ZNF318: variants seen among roughly 807,000 people sequenced by gnomAD.
ZNF318 encodes zinc finger protein 318, also known as endocrine regulator.
In ZNF318, 51 loss-of-function variants were observed where a neutral mutation model predicts 124.2. That is an observed-to-expected ratio of 0.41 (90% confidence interval 0.33 to 0.52). The LOEUF (loss-of-function observed/expected upper bound fraction) is 0.52. Ranked by LOEUF, ZNF318 falls within the 20% of genes least tolerant of loss-of-function variation. The pLI, the probability that ZNF318 is intolerant of heterozygous loss-of-function variation, is 0.23. For synonymous variants in ZNF318, 1,090 were observed against 1,040.7 expected, an observed-to-expected ratio of 1.05 and a Z score of -0.91; for missense variants, 2,815 against 2,811.2, an observed-to-expected ratio of 1.00 and a Z score of -0.03.
In ZNF318 at chr6:43,339,457, G is replaced by A. The variant is rs756233902; in HGVS notation, c.4541C>T (p.Pro1514Leu). Residue 1514 changes from proline to leucine, a missense_variant, in exon 10 of 10, where the codon CCT (proline) becomes CTT (leucine). Physicochemically the swap from Pro to Leu is moderately conservative, Grantham distance 98 (BLOSUM62 -3). Coordinates refer to ENST00000361428, the MANE Select transcript of ZNF318 (RefSeq NM_014345.3). This position sits in a 1 kb window ranked among gnomAD's most constrained non-coding sequence, Gnocchi z 4.2. ...IMASAQPAAIPSDETAPGVSE... is the reference protein window; with the variant it reads ...IMASAQPAAILSDETAPGVSE... ...CACCCCAGGAGCTGTCTCATCAGAAGGAATGGCAGCTGGCTGTGCTGAGGC... is the reference window on the plus strand; with the variant it reads ...CACCCCAGGAGCTGTCTCATCAGAAAGAATGGCAGCTGGCTGTGCTGAGGC... 4 of 1,614,168 alleles carry A rather than the reference G, an allele frequency of 2.5e-6. No individual in the cohort carries two copies. In the South Asian group the frequency reaches 4.4e-5, roughly 18 times the overall value.
In ZNF318 at chr6:43,356,075, G is replaced by A. The variant is rs994054505; in HGVS notation, c.1259C>T (p.Pro420Leu). 5 of 1,614,060 alleles carry A rather than the reference G, an allele frequency of 3.1e-6. No individual in the cohort carries two copies. In the African/African-American group the frequency reaches 6.7e-5, roughly 22 times the overall value. The part of the protein sequence containing the change: ...HPLYSGHPSL[P>L]LSGAIAAFAS... The stretch of plus-strand genomic sequence containing the variant: ...AAAAGCAGCAATAGCACCACTTAGT[G>A]GAAGGGATGGGTGCCCAGAGTAGAG... The change falls in exon 4 of 10, where the codon CCA (proline) becomes CTA (leucine). Residue 420 changes from proline (P) to leucine (L), a missense_variant. Transcript: ENST00000361428.
In ZNF318 at chr6:43,337,125, G is replaced by A. The variant is rs148327025; in HGVS notation, c.*33C>T. On this transcript the variant is annotated 3_prime_UTR_variant, in exon 10 of 10. Transcript: ENST00000361428. ...GGGCATCTGATTTCTAGAAGCCAAT[G>A]ATTCACTCACAAGTAGCTCTAGGTA... is the stretch of plus-strand genomic sequence containing the variant. 2.6e-6 allele frequency: 4 copies of A among 1,511,998 alleles called. No homozygotes were observed. The highest frequency in any genetic ancestry group is 2.8e-5 in the African/African-American group (2 of 71,904). The allele number at this position is 1,511,998 out of a possible 1,614,324, so 93.7% of individuals were successfully genotyped here.
At position 43,339,129 on chromosome 6, in the gene ZNF318, G is replaced by C. The variant is rs1779333868; in HGVS notation, c.4869C>G (p.Ser1623=). The C allele has an allele frequency of 1.2e-6, 2 of 1,614,150 alleles. No individual in the cohort carries two copies. The highest frequency in any genetic ancestry group is 1.7e-6 in the Non-Finnish European group (2 of 1,180,036). Residue 1623 remains serine (S), a synonymous_variant, in exon 10 of 10, where the codon TCC becomes TCG. Transcript: ENST00000361428. This position sits in a 1 kb window ranked among gnomAD's most constrained non-coding sequence, Gnocchi z 4.2. ...SSTSPLNSSA[S]QEELHQDEGL... Reference sequence around the variant, plus strand: ...CCTCATCTTGATGCAACTCCTCTTGGGATGCACTGCTGTTCAAAGGAGAAG... The same window carrying C: ...CCTCATCTTGATGCAACTCCTCTTGCGATGCACTGCTGTTCAAAGGAGAAG...
In ZNF318 at chr6:43,352,585, A is replaced by C. The variant is rs1370407076; in HGVS notation, c.2671-109T>G. ...ACATTATCTGAATGTAAGGATCCAA[A>C]TGCCTGCACACAGGCTCTGACCTTA... On this transcript the variant is annotated intron_variant, in intron 4 of 9. Transcript: ENST00000361428. 4.9e-5 allele frequency: 46 copies of C among 933,194 alleles called. No individual in the cohort carries two copies. In the East Asian group the frequency reaches 1.2e-3, roughly 24 times the overall value. 57.8% of individuals were successfully genotyped at this position (933,194 alleles called of 1,614,324 possible).
Position 43,357,405 on chromosome 6 carries a change from T to G in ZNF318, c.909A>C (p.Arg303Ser). ...TSGTRNYRQR[R>S]RSPSPRFLDP... Reference sequence around the variant, plus strand: ...CGAGAAACCTAGGACTTGGGCTTCTTCTACGCTGTCGATAGTTGCGAGTTC... The same window carrying G: ...CGAGAAACCTAGGACTTGGGCTTCTGCTACGCTGTCGATAGTTGCGAGTTC... The change falls in exon 3 of 10, where the codon AGA becomes AGC. Residue 303 changes from arginine to serine, a missense_variant. Physicochemically the swap from Arg to Ser is moderately radical, Grantham distance 110. Transcript: ENST00000361428. The G allele has an allele frequency of 6.2e-7, 1 of 1,614,190 alleles. No homozygotes were observed. Among genetic ancestry groups the G allele is most frequent in the East Asian group, 2.2e-5 (1 of 44,884 alleles).
At chr6:43,358,034 T>C (rs1779634984) in intron 2 of ZNF318, among the ~76,000 whole-genome samples, 1 of 152,212 alleles carries the variant, frequency 6.6e-6, no homozygotes, top group Non-Finnish European at 1.5e-5. Context: ...ATCATGGAAG[T>C]TACACAACTC....
At chr6:43,346,980 TA>T (rs1480433660) in intron 6 of ZNF318, among the ~76,000 whole-genome samples, 3 of 152,166 alleles carry the variant, frequency 2.0e-5, no homozygotes. Context: ...CATTTAATTA[TA>T]AAATCAGATC....
intron 2 of ZNF318, among the ~76,000 whole-genome samples, chr6:43,359,766 A>C (rs963669978): frequency 2.6e-5 from 4 of 152,194 alleles, no homozygotes; most frequent in Non-Finnish European, 4.4e-5. Context: ...ATCAAGGACA[A>C]ACTTTATTTA....
At chr6:43,352,307 G>A in intron 5 of ZNF318, 70 bp downstream of exon 5, 1 of 1,035,130 alleles carries the variant, frequency 9.7e-7, no homozygotes, top group East Asian at 3.7e-5. Context: ...CTGAACCTGT[G>A]TGAGAGTACC....
rs373203315 is a variant in ZNF318, at chr6:43,357,225, T to C, written c.1089A>G (p.Pro363=). The part of the protein sequence containing the change: ...GLSGVLTASE[P]GYSLHRPEEV... ...CCTCAGGCCGATGCAAAGAATATCC[T>C]GGCTCCGATGCTGTTAGGACACCTG... Residue 363 remains proline, a synonymous_variant, in exon 3 of 10, where the codon CCA becomes CCG. Transcript: ENST00000361428. 6.8e-6 allele frequency: 11 copies of C among 1,614,096 alleles called. No homozygotes were observed. The African/African-American group carries it at 1.3e-4, about 20-fold the overall frequency.
chr6:43,363,692 T>TCA lies in ZNF318; in HGVS notation c.548+1598_548+1599dup, dbSNP rs1316494135. On this transcript the variant is annotated intron_variant, in intron 2 of 9. Coordinates refer to ENST00000361428, the MANE Select transcript of ZNF318 (RefSeq NM_014345.3). ...TTCCTGCCCATCAAGGAATCTGAGA[T>TCA]CACTGACTTTTTCCTGGGGGCCTCT... 2.1e-4 allele frequency: 115 copies of TCA among 550,974 alleles called. 1 individual carries two copies. The highest frequency in any genetic ancestry group is 4.2e-5 in the Non-Finnish European group (13 of 312,568). 34.1% of individuals were successfully genotyped at this position (550,974 alleles called of 1,614,324 possible).
chr6:43,354,871 T>C lies in ZNF318; in HGVS notation c.2463A>G (p.Ile821Met). The change falls in exon 4 of 10, where the codon ATA becomes ATG. Residue 821 changes from isoleucine (I) to methionine (M), a missense_variant. Around this residue, in one of 4 missense-constraint regions of ZNF318, gnomAD observed 1,377 missense variants for 1,353.5 expected, o/e 1.02. Coordinates refer to ENST00000361428, the MANE Select transcript of ZNF318 (RefSeq NM_014345.3). ...SNHPVPEPHR[I>M]MPITKQATRS... Reference sequence around the variant, plus strand: ...GAGTAGCTTGTTTGGTTATTGGCATTATCCTGTGTGGTTCAGGTACAGGGT... The same window carrying C: ...GAGTAGCTTGTTTGGTTATTGGCATCATCCTGTGTGGTTCAGGTACAGGGT... The C allele has an allele frequency of 1.9e-6, 3 of 1,614,152 alleles. No homozygotes were observed. The highest frequency in any genetic ancestry group is 2.5e-6 in the Non-Finnish European group (3 of 1,180,014).
intron 6 of ZNF318, among the ~76,000 whole-genome samples, chr6:43,345,245 CAAAAAAAAAA>C (rs35628286): frequency 1.6e-5 from 2 of 121,996 alleles, no homozygotes; most frequent in Admixed American, 1.7e-4. Context: ...GACCCTGTCT[CAAAAAAAAAA>C]AAAAAAAGTA....
chr6:43,336,254 G>GA lies in ZNF318; in HGVS notation c.*903dup, dbSNP rs1306664062. ...GATACATATGGGTTTGTGGAACAGG[G>GA]AATGAGTTCAATCTCAAGACAAGTT... On this transcript the variant is annotated 3_prime_UTR_variant, in exon 10 of 10. Coordinates refer to ENST00000361428, the MANE Select transcript of ZNF318 (RefSeq NM_014345.3). The GA allele has an allele frequency of 1.3e-5, 2 of 152,554 alleles. No homozygotes were observed. Among genetic ancestry groups the GA allele is most frequent in the Non-Finnish European group, 2.9e-5 (2 of 68,024 alleles). The allele number at this position is 152,554 out of a possible 1,614,324, so 9.5% of individuals were successfully genotyped here. A position where few individuals can be genotyped will look rare whatever the true frequency, so the allele number is the denominator to read the frequency against.
At chr6:43,350,118 C>T (rs1779505561) in intron 5 of ZNF318, among the ~76,000 whole-genome samples, 1 of 152,076 alleles carries the variant, frequency 6.6e-6, no homozygotes, top group Non-Finnish European at 1.5e-5. Flanking sequence ...GGCATGGTGG[C>T]ACACGCCTGT....
rs1044875424 is a variant in ZNF318 at position 43,338,805 on chromosome 6, T to C, written c.5193A>G (p.Pro1731=). ...ACTGTATATCTAACAGTTGAGGAGG[T>C]GGTTCTACACCAGGTGGTCCTGGCT... ...LGEPGPPGVE[P]PPQLLDIQCK... is the part of the protein sequence containing the mutation. The change falls in exon 10 of 10, where the codon CCA becomes CCG. Residue 1731 remains proline, a synonymous_variant. Coordinates refer to ENST00000361428, the MANE Select transcript of ZNF318 (RefSeq NM_014345.3). The C allele has an allele frequency of 6.2e-7, 1 of 1,613,990 alleles. No individual in the cohort carries two copies. The highest frequency in any genetic ancestry group is 8.5e-7 in the Non-Finnish European group (1 of 1,179,988).
chr6:43,337,007 T>C lies in ZNF318; in HGVS notation c.*151A>G. The C allele has an allele frequency of 1.6e-6, 1 of 634,532 alleles. No individual in the cohort carries two copies. The highest frequency in any genetic ancestry group is 2.4e-6 in the Non-Finnish European group (1 of 420,676). The allele number at this position is 634,532 out of a possible 1,614,324, so 39.3% of individuals were successfully genotyped here. On this transcript the variant is annotated 3_prime_UTR_variant, in exon 10 of 10. Transcript: ENST00000361428. ...GAAAGGGAAAAGGAAAGGAGGTAAA[T>C]TTTTTAGCTTCCATGAACATTTACT...
chr6:43,353,555 T>C (rs1779563163), intron 4 of ZNF318, among the ~76,000 whole-genome samples: 1 of 152,100 alleles, frequency 6.6e-6, no homozygotes, highest in Non-Finnish European at 1.5e-5. Context: ...TTTGTATTTT[T>C]AGTAGAGACA....
At chr6:43,368,829 C>T (rs1331050907) in intron 1 of ZNF318, 138 bp downstream of exon 1, 3 of 1,234,540 alleles carry the variant, frequency 2.4e-6, no homozygotes, top group Non-Finnish European at 2.0e-6. Context: ...AGCCTCCAGG[C>T]TCGGCATCCC....
Sources: allele counts gnomAD v4.1 joint callset (sites outside exome capture counted in the v4.1 genomes callset), GRCh38; gene constraint gnomAD v4.1.1; regional missense constraint gnomAD v4.1.1; non-coding constraint Gnocchi (gnomAD v3.1); transcripts MANE v1.5; gene names NCBI Gene and HGNC (gene_info 2026-07-23, HGNC 2026-07-21).